DENND4A: variants seen among roughly 807,000 people sequenced by gnomAD.
DENND4A encodes the protein DENN domain containing 4A.
DENND4A carries 70 observed loss-of-function variants against 199.3 expected under a neutral mutation model. The observed-to-expected ratio is 0.35, with a 90% CI of 0.29 to 0.43. DENND4A has a LOEUF of 0.43. Ranked by LOEUF, DENND4A falls within the 20% of genes least tolerant of loss-of-function variation. DENND4A has a pLI of 1.00. For synonymous variants in DENND4A, 686 were observed against 766.9 expected, an observed-to-expected ratio of 0.89 and a Z score of 1.74; for missense variants, 1,723 against 2,255.8, an observed-to-expected ratio of 0.76 and a Z score of 4.78.
chr15:65,707,062 T>C (rs529302771), intron 14 of DENND4A, among the ~76,000 whole-genome samples: 2 of 152,274 alleles, frequency 1.3e-5, no homozygotes, highest in South Asian at 4.1e-4. Flanking sequence ...TTAAAATTTA[T>C]ACTAAATATA....
intron 1 of DENND4A, chr15:65,766,885 T>G (rs1367912735): frequency 6.6e-6 from 1 of 152,244 alleles, no homozygotes; most frequent in Non-Finnish European, 1.5e-5. Context: ...AGTATTATAC[T>G]GTGTTCAGGG....
intron 24 of DENND4A, among the ~76,000 whole-genome samples, chr15:65,676,165 T>C (rs1430242817): frequency 1.2e-4 from 17 of 144,486 alleles, no homozygotes; most frequent in South Asian, 2.2e-4. Context: ...TATATATATA[T>C]ACCTATACCT....
At chr15:65,745,798 T>G (rs12906813) in intron 4 of DENND4A, among the ~76,000 whole-genome samples, 30,921 of 151,898 alleles carry the variant, frequency 0.2, 4,209 homozygotes, top group East Asian at 0.74. Flanking sequence ...AAATGCAGTA[T>G]AAGTTACGGG....
In DENND4A at chr15:65,738,822, A is replaced by G. The variant is rs368738265; in HGVS notation, c.685T>C (p.Ser229Pro). 2.4e-5 allele frequency: 39 copies of G among 1,610,892 alleles called. No individual in the cohort carries two copies. The Middle Eastern group carries it at 5.3e-4, about 22-fold the overall frequency. The change falls in exon 6 of 33, where the codon TCT (serine) becomes CCT (proline). Residue 229 changes from serine to proline, a missense_variant. Around this residue, in one of 6 missense-constraint regions of DENND4A, gnomAD observed 725 missense variants for 952.9 expected, o/e 0.76. Coordinates refer to ENST00000443035, the MANE Select transcript of DENND4A (RefSeq NM_001320835.1). Reference protein sequence around the residue: ...EDYESFSLPESVPLFCLPMGA... With the variant: ...EDYESFSLPEPVPLFCLPMGA... The stretch of plus-strand genomic sequence containing the variant: ...ATTGGTAAACAAAATAGAGGAACAG[A>G]TTCCGGTAGTGAGAATGACTCATAA...
At chr15:65,674,046 G>A (rs1182156145) in intron 24 of DENND4A, among the ~76,000 whole-genome samples, 1 of 151,884 alleles carries the variant, frequency 6.6e-6, no homozygotes, top group Non-Finnish European at 1.5e-5. Context: ...ATACAGCAAG[G>A]GGGAAAAAAA....
At chr15:65,761,098 G>A (rs1290708595) in intron 2 of DENND4A, among the ~76,000 whole-genome samples, 4 of 152,012 alleles carry the variant, frequency 2.6e-5, no homozygotes, top group Non-Finnish European at 4.4e-5. Flanking sequence ...ACAATAGAAC[G>A]CAGGAAATAA....
At chr15:65,771,163 A>C in intron 1 of DENND4A, 2 of 1,576,400 alleles carry the variant, frequency 1.3e-6, no homozygotes, top group South Asian at 2.3e-5. Flanking sequence ...TATAAATAAA[A>C]ATTCCAGTTC....
chr15:65,744,327 G>C (rs1204053415), intron 4 of DENND4A, among the ~76,000 whole-genome samples: 1 of 152,158 alleles, frequency 6.6e-6, no homozygotes, highest in Non-Finnish European at 1.5e-5. Flanking sequence ...GACATGTTAA[G>C]TTTGAAACAT....
chr15:65,688,249 TTTTAA>T lies in DENND4A; in HGVS notation c.4179+2161_4179+2165del, dbSNP rs2076859386. Among the ~76,000 whole-genome samples, 6 of 151,580 alleles carry T rather than the reference TTTTAA, an allele frequency of 4.0e-5. No individual in the cohort carries two copies. In the South Asian group the frequency reaches 1.2e-3, roughly 31 times the overall value. On this transcript the variant is annotated intron_variant, in intron 23 of 32. Transcript: ENST00000443035. ...ACATTCTATTTCTTGCTAGAATTTATTTTAATTTATTTCAAATGTGTTTTCCTTTA... is the reference window on the plus strand; with the variant it reads ...ACATTCTATTTCTTGCTAGAATTTATTTTATTTCAAATGTGTTTTCCTTTA...
At chr15:65,732,063 T>C (rs976557725) in intron 8 of DENND4A, among the ~76,000 whole-genome samples, 4 of 152,076 alleles carry the variant, frequency 2.6e-5, no homozygotes, top group Non-Finnish European at 4.4e-5. Context: ...AAATAAGGTT[T>C]TACTGAAATA....
At chr15:65,762,796 A>C (rs1056160117) in intron 1 of DENND4A, among the ~76,000 whole-genome samples, 12 of 151,750 alleles carry the variant, frequency 7.9e-5, no homozygotes, top group African/African-American at 2.9e-4. Context: ...ATACCACACC[A>C]TTTTACGTAA....
chr15:65,712,721 T>C (rs550835581), intron 14 of DENND4A, among the ~76,000 whole-genome samples: 28 of 142,830 alleles, frequency 2.0e-4, no homozygotes, highest in Non-Finnish European at 1.5e-5. Context: ...TTTTGGCTGT[T>C]GTGTTAAAAA....
chr15:65,696,328 T>C (rs1192222710), intron 22 of DENND4A, 38 bp downstream of exon 22: 1 of 1,589,718 alleles, frequency 6.3e-7, no homozygotes. Flanking sequence ...CAGATACAAT[T>C]TATTCCGCAC....
At chr15:65,670,259 T>C (rs992752123) in intron 25 of DENND4A, 71 bp from the exon 26 acceptor site, 1 of 1,257,486 alleles carries the variant, frequency 8.0e-7, no homozygotes, top group Non-Finnish European at 1.1e-6. Flanking sequence ...CCATTTCAAT[T>C]CATAAATTCA....
At chr15:65,662,750 T>C (rs1352058534) in intron 32 of DENND4A, among the ~76,000 whole-genome samples, 1 of 152,178 alleles carries the variant, frequency 6.6e-6, no homozygotes, top group Non-Finnish European at 1.5e-5. Flanking sequence ...TAAGATCCTA[T>C]TTTTCTGCTT....
At position 65,717,956 on chromosome 15, in the gene DENND4A, T is replaced by A. The variant is rs959294540; in HGVS notation, c.1629A>T (p.Ala543=). 5 of 1,608,064 alleles carry A rather than the reference T, an allele frequency of 3.1e-6. No individual in the cohort carries two copies. Among genetic ancestry groups the A allele is most frequent in the African/African-American group, 2.7e-5 (2 of 74,884 alleles). ...CAGAATTAAAATCATAGTCATTTAT[T>A]GCTAAATCCATGAGTCCATCATCTC... ...RPRDDGLMDL[A]INDYDFNSGK... is the part of the protein sequence containing the mutation. Residue 543 remains alanine, a synonymous_variant, in exon 13 of 33, where the codon GCA becomes GCT. Transcript: ENST00000443035.
At chr15:65,785,230 T>C (rs2077536137) in intron 1 of DENND4A, among the ~76,000 whole-genome samples, 1 of 151,540 alleles carries the variant, frequency 6.6e-6, no homozygotes, top group Non-Finnish European at 1.5e-5. Context: ...CTGGGCATGG[T>C]GGCTCACGAT....
intron 4 of DENND4A, among the ~76,000 whole-genome samples, chr15:65,751,211 A>G (rs1486763254): frequency 6.6e-6 from 1 of 152,222 alleles, no homozygotes; most frequent in African/African-American, 2.4e-5. Flanking sequence ...TGAAGTGGCC[A>G]TGTTCGAGAT....
intron 1 of DENND4A, among the ~76,000 whole-genome samples, chr15:65,775,746 G>GT (rs976849006): frequency 1.4e-5 from 2 of 147,644 alleles, no homozygotes; most frequent in African/African-American, 2.5e-5. Flanking sequence ...ATAACAAAAA[G>GT]TGATTTGAGT....
Sources: gnomAD v4.1 joint callset for allele counts (sites outside exome capture counted in the v4.1 genomes callset) on GRCh38, gnomAD v4.1.1 for gene constraint, gnomAD v4.1.1 regional missense constraint, MANE v1.5 for transcripts, NCBI Gene and HGNC (gene_info 2026-07-23, HGNC 2026-07-21) for gene names.